DHX57: variants seen among roughly 807,000 people sequenced by gnomAD.
The protein encoded by DHX57 is putative ATP-dependent RNA helicase DHX57.
A neutral mutation model predicts 156.2 loss-of-function variants in DHX57; 105 were observed. The ratio of observed to expected loss-of-function variants is 0.67; its 90% CI spans 0.57 to 0.79. The LOEUF is 0.79. Ranked by LOEUF, DHX57 falls within the 30% of genes least tolerant of loss-of-function variation. DHX57 has a pLI of 0.00. For missense variants in DHX57, 1,847 were observed against 1,661.9 expected, an observed-to-expected ratio of 1.11 and a Z score of -1.94; for synonymous variants, 704 against 595.6, an observed-to-expected ratio of 1.18 and a Z score of -2.65.
At chr2:38,842,269 G>A (rs1249854908) in intron 12 of DHX57, among the ~76,000 whole-genome samples, 1 of 152,166 alleles carries the variant, frequency 6.6e-6, no homozygotes, top group African/African-American at 2.4e-5. Context: ...GTCACTAAAA[G>A]ACAAAGGATG....
chr2:38,872,102 T>C (rs1197314599), intron 1 of DHX57, among the ~76,000 whole-genome samples: 1 of 152,220 alleles, frequency 6.6e-6, no homozygotes. Context: ...TTACCTGTTA[T>C]TAGGCCCCAT....
chr2:38,837,146 G>T (rs1240230268), intron 13 of DHX57, among the ~76,000 whole-genome samples: 1 of 152,108 alleles, frequency 6.6e-6, no homozygotes, highest in African/African-American at 2.4e-5. Flanking sequence ...ATTGCACCTG[G>T]CATGTATTAT....
chr2:38,807,845 CA>C lies in DHX57; in HGVS notation c.3682-1153del, dbSNP rs558939894. Among the ~76,000 whole-genome samples the C allele has an allele frequency of 3.3e-3, 501 of 151,048 alleles. 1 individual carries two copies. The highest frequency in any genetic ancestry group is 0.012 in the African/African-American group (477 of 41,112). On this transcript the variant is annotated intron_variant, in intron 21 of 23. Coordinates refer to ENST00000457308, the MANE Select transcript of DHX57 (RefSeq NM_198963.3). ...ATCTTCAGTGTAGAAGTGGTTTCTC[CA>C]TGTTGGTCAGGCTGGTCTCGAACTC...
rs1670259581 is a variant in DHX57, at chr2:38,811,724, G to A, written c.3681+2097C>T. On this transcript the variant is annotated intron_variant, in intron 21 of 23. Coordinates refer to ENST00000457308, the MANE Select transcript of DHX57 (RefSeq NM_198963.3). ...CTTCATGGCTCAGTGAACCACTCGG[G>A]GCCTGGGGAGCAAAGGCAGGCAACA... 1.4e-5 allele frequency: 9 copies of A among 636,470 alleles called. No homozygotes were observed. The East Asian group carries it at 2.9e-4, about 20-fold the overall frequency. 39.4% of individuals were successfully genotyped at this position (636,470 alleles called of 1,614,324 possible).
At chr2:38,863,308 A>C in intron 3 of DHX57, 53 bp downstream of exon 3, 2 of 1,556,958 alleles carry the variant, frequency 1.3e-6, no homozygotes, top group South Asian at 2.4e-5. Flanking sequence ...GGACCTTCAC[A>C]CTGCCAGTAT....
chr2:38,816,765 C>A (rs77441647), intron 19 of DHX57, among the ~76,000 whole-genome samples: 1 of 151,942 alleles, frequency 6.6e-6, no homozygotes, highest in Non-Finnish European at 1.5e-5. Flanking sequence ...TTAAATATAC[C>A]GCAGTTTCTA....
At chr2:38,872,089 G>A (rs566475784) in intron 1 of DHX57, among the ~76,000 whole-genome samples, 123 of 152,236 alleles carry the variant, frequency 8.1e-4, no homozygotes, top group African/African-American at 2.7e-3. Flanking sequence ...CCTCATGATC[G>A]AATTACCTGT....
In DHX57 at chr2:38,827,524, A is replaced by ATG. The variant is rs1462631071; in HGVS notation, c.2639+815_2639+816insCA. Among the ~76,000 whole-genome samples, 40 of 26,712 alleles carry ATG rather than the reference A, an allele frequency of 1.5e-3. 1 individual carries two copies. The highest frequency in any genetic ancestry group is 2.4e-3 in the African/African-American group (38 of 16,004). 17.5% of individuals were successfully genotyped at this position (26,712 alleles called of 152,430 possible). On this transcript the variant is annotated intron_variant, in intron 14 of 23. Transcript: ENST00000457308. ...AAAAAAAATATATATATATATATAT[A>ATG]TATATATATACACACATACATATAT...
chr2:38,813,578 T>C (rs1425258257), intron 21 of DHX57, among the ~76,000 whole-genome samples: 3 of 152,042 alleles, frequency 2.0e-5, no homozygotes, highest in African/African-American at 7.2e-5. Flanking sequence ...TTCACCGTGT[T>C]AGCCAGGATG....
At chr2:38,837,783 GACTAAGT>G (rs763015687) in intron 13 of DHX57, 41 bp downstream of exon 13, 1 of 1,153,190 alleles carries the variant, frequency 8.7e-7, no homozygotes, top group Admixed American at 1.7e-5. Flanking sequence ...TTTAGCCAAG[GACTAAGT>G]GTTTCAATTG....
intron 5 of DHX57, 27 bp downstream of exon 5, chr2:38,860,972 C>T: frequency 6.3e-7 from 1 of 1,582,116 alleles, no homozygotes; most frequent in Non-Finnish European, 8.6e-7. Flanking sequence ...TGAATGCCTC[C>T]CTCCACAAGA....
rs752800097 is a variant in DHX57, at chr2:38,861,163, T to G, written c.1247A>C (p.Glu416Ala). ...TAACTTGACTATTTCCGACTCTTCCTCTAAAAGGGTTATCAAAGAATATAC... is the reference window on the plus strand; with the variant it reads ...TAACTTGACTATTTCCGACTCTTCCGCTAAAAGGGTTATCAAAGAATATAC... ...PVVYSLITLL[E>A]EESEIVKLLT... The change falls in exon 5 of 24, where the codon GAG (glutamate) becomes GCG (alanine). Residue 416 changes from glutamate to alanine, a missense_variant. Coordinates refer to ENST00000457308, the MANE Select transcript of DHX57 (RefSeq NM_198963.3). 2.5e-6 allele frequency: 4 copies of G among 1,614,058 alleles called. No individual in the cohort carries two copies. The highest frequency in any genetic ancestry group is 3.4e-6 in the Non-Finnish European group (4 of 1,180,030).
At chr2:38,829,927 A>G (rs1671293816) in intron 13 of DHX57, among the ~76,000 whole-genome samples, 1 of 152,224 alleles carries the variant, frequency 6.6e-6, no homozygotes, top group African/African-American at 2.4e-5. Context: ...ATGGGCTTTT[A>G]AATTTTACAT....
At chr2:38,870,522 A>C (rs1665301843) in intron 1 of DHX57, among the ~76,000 whole-genome samples, 1 of 152,236 alleles carries the variant, frequency 6.6e-6, no homozygotes, top group Non-Finnish European at 1.5e-5. Flanking sequence ...AAAATTAATG[A>C]CTGATTTCTT....
At chr2:38,849,687 T>G (rs1169107567) in intron 9 of DHX57, among the ~76,000 whole-genome samples, 1 of 152,222 alleles carries the variant, frequency 6.6e-6, no homozygotes, top group Non-Finnish European at 1.5e-5. Flanking sequence ...ACTCTCCCGT[T>G]CATTCACTCA....
rs753369582 is a variant in DHX57, at chr2:38,843,139, C to T, written c.2291G>A (p.Arg764Lys). Residue 764 changes from arginine to lysine, a missense_variant, in exon 12 of 24, where the codon AGG (arginine) becomes AAG (lysine). Arg to Lys is a conservative substitution (Grantham distance 26). Coordinates refer to ENST00000457308, the MANE Select transcript of DHX57 (RefSeq NM_198963.3). The stretch of plus-strand genomic sequence containing the variant: ...TTCTTCAAATGCAGTTCTGTTCCGC[C>T]TTGCTTTAAGCTTTTCCTTTGAAAT... Reference protein sequence around the residue: ...KQISKEKLKARRNRTAFEEVE... With the variant: ...KQISKEKLKAKRNRTAFEEVE... 1.2e-6 allele frequency: 2 copies of T among 1,614,186 alleles called. No individual in the cohort carries two copies. The highest frequency in any genetic ancestry group is 2.2e-5 in the South Asian group (2 of 91,090).
chr2:38,864,995 G>A (rs1184561330), intron 2 of DHX57, among the ~76,000 whole-genome samples: 2 of 152,082 alleles, frequency 1.3e-5, no homozygotes, highest in Non-Finnish European at 2.9e-5. Flanking sequence ...CATACAATTC[G>A]ATCTTATTGG....
At chr2:38,845,820 C>A (rs1211761784) in intron 11 of DHX57, among the ~76,000 whole-genome samples, 1 of 151,724 alleles carries the variant, frequency 6.6e-6, no homozygotes, top group Non-Finnish European at 1.5e-5. Context: ...GGCTATACTG[C>A]AAACTCTATG....
At chr2:38,871,283 T>G (rs1665340881) in intron 1 of DHX57, among the ~76,000 whole-genome samples, 1 of 152,168 alleles carries the variant, frequency 6.6e-6, no homozygotes, top group South Asian at 2.1e-4. Context: ...TACAAGAAGG[T>G]AATATGTATG....
Sources: gnomAD v4.1 joint callset for allele counts (sites outside exome capture counted in the v4.1 genomes callset) on GRCh38, gnomAD v4.1.1 for gene constraint, MANE v1.5 for transcripts, NCBI Gene and HGNC (gene_info 2026-07-23, HGNC 2026-07-21) for gene names.